Variants in CYTIP observed in about 807,000 individuals in gnomAD.
The protein encoded by CYTIP is cytohesin 1 interacting protein, also known as cytohesin-interacting protein.
A neutral mutation model predicts 43.8 loss-of-function variants in CYTIP; 26 were observed. The observed-to-expected ratio is 0.59, with a 90% CI of 0.44 to 0.82. The LOEUF is 0.82. CYTIP is among the 40% of genes least tolerant of loss of function. The probability of loss-of-function intolerance (pLI) is 0.00; values close to 1 mark genes in which losing one functional copy is unlikely to be tolerated. For missense variants in CYTIP, 426 were observed against 443.1 expected (o/e 0.96, Z 0.35); for synonymous variants, 162 against 162.9 (o/e 0.99, Z 0.04).
chr2:157,427,486 T>A, intron 5 of CYTIP, 66 bp from the exon 6 acceptor site: 1 of 1,183,980 alleles, frequency 8.4e-7, no homozygotes, highest in Non-Finnish European at 1.2e-6. Flanking sequence ...TTCGTTTAAA[T>A]AAGTACCATA....
intron 3 of CYTIP, 73 bp downstream of exon 3, chr2:157,434,297 T>C: frequency 8.5e-7 from 1 of 1,182,408 alleles, no homozygotes; most frequent in African/African-American, 1.5e-5. Context: ...CTTCATTTTT[T>C]CTTTGCACAT....
At chr2:157,429,958 G>A (rs1445528001) in intron 5 of CYTIP, among the ~76,000 whole-genome samples, 1 of 150,866 alleles carries the variant, frequency 6.6e-6, no homozygotes, top group African/African-American at 2.5e-5. Flanking sequence ...GGGAGGCAGA[G>A]CTTGCAGTGA....
intron 3 of CYTIP, 32 bp downstream of exon 3, chr2:157,434,338 T>C (rs776077968): frequency 1.3e-6 from 2 of 1,579,652 alleles, no homozygotes; most frequent in South Asian, 2.2e-5. Context: ...ACTTTCTTCC[T>C]TGGAAGTCTA....
At chr2:157,434,568 C>CTG in intron 2 of CYTIP, 130 bp downstream of exon 2, 2 of 860,156 alleles carry the variant, frequency 2.3e-6, no homozygotes, top group East Asian at 2.6e-5. Context: ...GTGTGTGTGT[C>CTG]TGTGTGTGTG....
At position 157,415,814 on chromosome 2, in the gene CYTIP, G is replaced by A. The variant is rs201010384; in HGVS notation, c.943C>T (p.Pro315Ser). 3.5e-5 allele frequency: 56 copies of A among 1,614,208 alleles called. No homozygotes were observed. The highest frequency in any genetic ancestry group is 3.4e-6 in the Non-Finnish European group (4 of 1,180,028). ...CTTGATAAGTTGCCCTCCCACAAGG[G>A]AGACATGGATCCGCTGCTGGTGTTA... is the stretch of plus-strand genomic sequence containing the variant. Reference protein sequence around the residue: ...ISNTSSGSMSPLWEGNLSSMF... With the variant: ...ISNTSSGSMSSLWEGNLSSMF... The change falls in exon 8 of 8, where the codon CCC becomes TCC. Residue 315 changes from proline to serine, a missense_variant. Transcript: ENST00000264192.
chr2:157,422,546 T>G (rs1487108085), intron 6 of CYTIP, among the ~76,000 whole-genome samples: 1 of 151,732 alleles, frequency 6.6e-6, no homozygotes, highest in Non-Finnish European at 1.5e-5. Context: ...GGCAGGTGCC[T>G]GTAATCCCAG....
chr2:157,432,586 C>T (rs1685728978), intron 3 of CYTIP, among the ~76,000 whole-genome samples: 1 of 152,126 alleles, frequency 6.6e-6, no homozygotes, highest in African/African-American at 2.4e-5. Flanking sequence ...GATATGAATT[C>T]AGGTGTGCAT....
chr2:157,423,661 T>TA (rs1181643751), intron 6 of CYTIP, among the ~76,000 whole-genome samples: 1 of 151,782 alleles, frequency 6.6e-6, no homozygotes, highest in Non-Finnish European at 1.5e-5. Flanking sequence ...TACCAAAACT[T>TA]AAAAAGATAA....
chr2:157,424,639 A>T lies in CYTIP; in HGVS notation c.546+2712T>A, dbSNP rs1031455479. 2.0e-5 allele frequency among the ~76,000 whole-genome samples: 3 copies of T among 152,280 alleles called. No homozygotes were observed. The South Asian group carries it at 6.2e-4, about 32-fold the overall frequency. On this transcript the variant is annotated intron_variant, in intron 6 of 7. Transcript: ENST00000264192. ...CCAGAGTTTGAGACTATAGTAAGCT[A>T]TGATCACGTTGCTGCACTCCAGCAA...
intron 7 of CYTIP, among the ~76,000 whole-genome samples, chr2:157,416,992 A>G (rs1052489132): frequency 7.2e-5 from 11 of 152,076 alleles, no homozygotes; most frequent in Admixed American, 1.3e-4. Flanking sequence ...AGAGAGAGAG[A>G]GAGAGAGAGA....
chr2:157,440,229 T>C (rs984715093), intron 1 of CYTIP, among the ~76,000 whole-genome samples: 12 of 152,150 alleles, frequency 7.9e-5, no homozygotes, highest in African/African-American at 2.9e-4. Context: ...CCACCCACTT[T>C]TAAATAAGGA....
Position 157,434,687 on chromosome 2 carries a change from A to T in CYTIP, c.224+11T>A. On this transcript the variant is annotated intron_variant, in intron 2 of 7. Coordinates refer to ENST00000264192, the MANE Select transcript of CYTIP (RefSeq NM_004288.5). ...TTTTGGGAGAGACAAAAAATAATTC[A>T]ATCTCTTTACCTTTGAGACCAGGAA... The T allele has an allele frequency of 6.2e-7, 1 of 1,602,330 alleles. No individual in the cohort carries two copies. Among genetic ancestry groups the T allele is most frequent in the Non-Finnish European group, 8.5e-7 (1 of 1,170,972 alleles).
chr2:157,434,069 C>G, intron 3 of CYTIP: 1 of 423,308 alleles, frequency 2.4e-6, no homozygotes. Context: ...GTATTTCACT[C>G]TCTTATCTAA....
At chr2:157,419,549 G>T (rs904698379) in intron 6 of CYTIP, among the ~76,000 whole-genome samples, 1 of 152,182 alleles carries the variant, frequency 6.6e-6, no homozygotes, top group Non-Finnish European at 1.5e-5. Flanking sequence ...CAGGCAGAAG[G>T]CATCTGAAAA....
intron 6 of CYTIP, among the ~76,000 whole-genome samples, chr2:157,424,092 A>G (rs919406708): frequency 5.9e-5 from 9 of 152,176 alleles, no homozygotes; most frequent in Non-Finnish European, 1.3e-4. Flanking sequence ...CATAATTTCT[A>G]TTCATTGTTG....
chr2:157,438,581 A>G (rs1008078239), intron 1 of CYTIP, among the ~76,000 whole-genome samples: 6 of 152,238 alleles, frequency 3.9e-5, no homozygotes, highest in African/African-American at 1.4e-4. Context: ...GGTGATGGAT[A>G]TGCTAATTAC....
At chr2:157,435,016 T>C (rs1228606217) in intron 1 of CYTIP, among the ~76,000 whole-genome samples, 1 of 152,024 alleles carries the variant, frequency 6.6e-6, no homozygotes, top group African/African-American at 2.4e-5. Flanking sequence ...GACAGGATTC[T>C]AGGCATTCCA....
rs1685428268 is a variant in CYTIP, at chr2:157,415,696, T to C, written c.1061A>G (p.Glu354Gly). The change falls in exon 8 of 8, where the codon GAG becomes GGG. Residue 354 changes from glutamate to glycine, a missense_variant. Glu to Gly is a moderately conservative substitution (Grantham distance 98, BLOSUM62 -2). Transcript: ENST00000264192. ...FIPGLHRAVE[E>G]EESRF is the part of the protein sequence containing the mutation. ...AATCCGTCAAAAGCGACTTTCTTCC[T>C]CTTCCACAGCACGATGAAGGCCAGG... is the stretch of plus-strand genomic sequence containing the variant. The C allele has an allele frequency of 1.2e-6, 2 of 1,610,340 alleles. No homozygotes were observed. Among genetic ancestry groups the C allele is most frequent in the Non-Finnish European group, 1.7e-6 (2 of 1,177,558 alleles).
intron 1 of CYTIP, among the ~76,000 whole-genome samples, chr2:157,435,995 G>T (rs1238610778): frequency 1.3e-5 from 2 of 152,124 alleles, no homozygotes; most frequent in Non-Finnish European, 2.9e-5. Context: ...TCCTGGAATG[G>T]ACCAGTGTTA....
Sources: gnomAD v4.1 joint callset for allele counts (sites outside exome capture counted in the v4.1 genomes callset) on GRCh38, gnomAD v4.1.1 for gene constraint, MANE v1.5 for transcripts, NCBI Gene and HGNC (gene_info 2026-07-23, HGNC 2026-07-21) for gene names.